Variants in MYO3B observed in about 807,000 individuals in gnomAD.
The protein encoded by MYO3B is myosin-IIIb.
A neutral mutation model predicts 174.6 loss-of-function variants in MYO3B; 156 were observed. That is an observed-to-expected ratio of 0.89 (90% confidence interval 0.78 to 1.02). The LOEUF (loss-of-function observed/expected upper bound fraction) is 1.02. Ranked by LOEUF, MYO3B falls within the 50% of genes least tolerant of loss-of-function variation. The probability of loss-of-function intolerance (pLI) is 0.00; values close to 1 mark genes in which losing one functional copy is unlikely to be tolerated. For missense variants in MYO3B, 1,632 were observed against 1,639.4 expected, an observed-to-expected ratio of 1.00 and a Z score of 0.08; for synonymous variants, 563 against 569.1, an observed-to-expected ratio of 0.99 and a Z score of 0.15.
chr2:170,461,074 G>A (rs745752068), intron 23 of MYO3B, among the ~76,000 whole-genome samples: 51 of 152,228 alleles, frequency 3.4e-4, no homozygotes, highest in Non-Finnish European at 6.6e-4. Context: ...CAGCTGCCTG[G>A]GGGGCTGGTG....
chr2:170,619,608 T>C (rs1272852342), intron 32 of MYO3B, among the ~76,000 whole-genome samples: 1 of 152,022 alleles, frequency 6.6e-6, no homozygotes, highest in Admixed American at 6.6e-5. Flanking sequence ...ATGGGACTCT[T>C]TACAGGACTG....
At chr2:170,634,488 A>G (rs983771140) in intron 32 of MYO3B, among the ~76,000 whole-genome samples, 1 of 152,260 alleles carries the variant, frequency 6.6e-6, no homozygotes, top group East Asian at 1.9e-4. Flanking sequence ...TTAAAGACTT[A>G]CATGTTAGAC....
chr2:170,406,719 G>T (rs1253372204), intron 21 of MYO3B, among the ~76,000 whole-genome samples: 1 of 151,958 alleles, frequency 6.6e-6, no homozygotes, highest in East Asian at 1.9e-4. Flanking sequence ...GATTTTAGGG[G>T]AAAAACTTTT....
Position 170,356,789 on chromosome 2 carries a change from A to ATTTTTTTTTTTTTTT in MYO3B, c.816-12432_816-12431insTTTTTTTTTTTTTTT, listed in dbSNP as rs2094124862. 1.1e-4 allele frequency among the ~76,000 whole-genome samples: 17 copies of ATTTTTTTTTTTTTTT among 152,086 alleles called. No homozygotes were observed. In the South Asian group the frequency reaches 3.4e-3, roughly 31 times the overall value. On this transcript the variant is annotated intron_variant, in intron 8 of 34. Transcript: ENST00000408978. Reference sequence around the variant, plus strand: ...TATTTTTATTTTTATCTTTAAAAAAATGTTTTAAGACAAGGTCTCACCCTG... The same window carrying ATTTTTTTTTTTTTTT: ...TATTTTTATTTTTATCTTTAAAAAAATTTTTTTTTTTTTTTTGTTTTAAGACAAGGTCTCACCCTG...
chr2:170,352,457 A>T (rs2094081464), intron 8 of MYO3B, among the ~76,000 whole-genome samples: 1 of 152,236 alleles, frequency 6.6e-6, no homozygotes, highest in Admixed American at 6.5e-5. Flanking sequence ...GAAAAAAAGC[A>T]TTGGAGGAAA....
At chr2:170,464,405 C>A (rs758745578) in intron 24 of MYO3B, among the ~76,000 whole-genome samples, 1 of 148,538 alleles carries the variant, frequency 6.7e-6, no homozygotes, top group East Asian at 2.0e-4. Flanking sequence ...TCAGGGATAG[C>A]AGAATGAGGT....
At chr2:170,263,268 A>G (rs572032050) in intron 7 of MYO3B, among the ~76,000 whole-genome samples, 1 of 152,250 alleles carries the variant, frequency 6.6e-6, no homozygotes, top group South Asian at 2.1e-4. Context: ...TCAGCAGGCA[A>G]TTGGGCTGGG....
chr2:170,467,881 T>C (rs1173493799), intron 25 of MYO3B, among the ~76,000 whole-genome samples: 1 of 151,596 alleles, frequency 6.6e-6, no homozygotes, highest in African/African-American at 2.4e-5. Context: ...GAAATGGCTT[T>C]TTTTTTTTAA....
At chr2:170,494,756 A>AAG in intron 25 of MYO3B, among the ~76,000 whole-genome samples, 1 of 151,118 alleles carries the variant, frequency 6.6e-6, no homozygotes, top group African/African-American at 2.4e-5. Flanking sequence ...AAAGAAGAAG[A>AAG]AAAAAAAGAA....
At position 170,401,394 on chromosome 2, in the gene MYO3B, C is replaced by T. The variant is rs933367870; in HGVS notation, c.1919-87C>T. The T allele has an allele frequency of 4.0e-6, 5 of 1,246,128 alleles. No homozygotes were observed. In the African/African-American group the frequency reaches 4.4e-5, roughly 11 times the overall value. The allele number at this position is 1,246,128 out of a possible 1,614,324, so 77.2% of individuals were successfully genotyped here. The stretch of plus-strand genomic sequence containing the variant: ...TCAAAAGTACCCAAATGGAGTCTGG[C>T]ACATAGTAGATGTTGAATAAATGCT... On this transcript the variant is annotated intron_variant, in intron 17 of 34. Transcript: ENST00000408978.
At chr2:170,274,414 C>A (rs1401990364) in intron 7 of MYO3B, among the ~76,000 whole-genome samples, 1 of 152,138 alleles carries the variant, frequency 6.6e-6, no homozygotes, top group Non-Finnish European at 1.5e-5. Context: ...CTTTTCAGTG[C>A]AACCGGGAAA....
chr2:170,345,218 G>A (rs2094007473), intron 8 of MYO3B: 1 of 152,122 alleles, frequency 6.6e-6, no homozygotes, highest in African/African-American at 2.4e-5. Flanking sequence ...GATGATTTCT[G>A]GCAGGGATAA....
chr2:170,402,950 G>A lies in MYO3B; in HGVS notation c.2232G>A (p.Glu744=), dbSNP rs944346789. 1.2e-6 allele frequency: 2 copies of A among 1,610,270 alleles called. No homozygotes were observed. Among genetic ancestry groups the A allele is most frequent in the African/African-American group, 1.3e-5 (1 of 74,892 alleles). The change falls in exon 19 of 35, where the codon GAG becomes GAA. Residue 744 remains glutamate (E), a synonymous_variant. Transcript: ENST00000408978. ...AGCTCTGCATAAACATCGCCAATGA[G>A]CAAATCCAGTACTATTTCAATCAGC... is the stretch of plus-strand genomic sequence containing the variant. ...FEQLCINIAN[E]QIQYYFNQHV...
At chr2:170,220,906 T>C (rs2092891437) in intron 6 of MYO3B, among the ~76,000 whole-genome samples, 1 of 152,214 alleles carries the variant, frequency 6.6e-6, no homozygotes, top group South Asian at 2.1e-4. Flanking sequence ...GCTGTAGCTC[T>C]TGGGAATCAG....
At position 170,580,718 on chromosome 2, in the gene MYO3B, ATGTGTGTGTGTGTGTGTG is replaced by A. The variant is rs59092368; in HGVS notation, c.3733+36754_3733+36771del. Among the ~76,000 whole-genome samples the A allele has an allele frequency of 4.7e-3, 667 of 142,776 alleles. 6 individuals are homozygous for A. Among genetic ancestry groups the A allele is most frequent in the African/African-American group, 0.015 (581 of 38,254 alleles). 93.7% of individuals were successfully genotyped at this position (142,776 alleles called of 152,430 possible). A position where few individuals can be genotyped will look rare whatever the true frequency, so the allele number is the denominator to read the frequency against. Reference sequence around the variant, plus strand: ...CTTCAGGTCCCACAAAACCTTATATATGTGTGTGTGTGTGTGTGTGTGTGTGTGTGTGTGTGTGTGTAT... The same window carrying A: ...CTTCAGGTCCCACAAAACCTTATATATGTGTGTGTGTGTGTGTGTGTGTAT... On this transcript the variant is annotated intron_variant, in intron 32 of 34. Coordinates refer to ENST00000408978, the MANE Select transcript of MYO3B (RefSeq NM_138995.5).
intron 7 of MYO3B, among the ~76,000 whole-genome samples, chr2:170,266,546 CAT>C (rs1284328558): frequency 6.6e-6 from 1 of 152,104 alleles, no homozygotes; most frequent in Non-Finnish European, 1.5e-5. Flanking sequence ...CTGTGCTTTG[CAT>C]ATAGAAATGT....
At chr2:170,281,433 G>A (rs2093509740) in intron 7 of MYO3B, among the ~76,000 whole-genome samples, 1 of 152,098 alleles carries the variant, frequency 6.6e-6, no homozygotes, top group Non-Finnish European at 1.5e-5. Flanking sequence ...GGACCACAGT[G>A]CAATAAAAAT....
At position 170,182,999 on chromosome 2, in the gene MYO3B, G is replaced by A. The variant is rs569915044; in HGVS notation, c.2+4710G>A. 3.3e-5 allele frequency among the ~76,000 whole-genome samples: 5 copies of A among 149,604 alleles called. No homozygotes were observed. In the South Asian group the frequency reaches 1.2e-3, roughly 35 times the overall value. On this transcript the variant is annotated intron_variant, in intron 1 of 34. Transcript: ENST00000408978. The stretch of plus-strand genomic sequence containing the variant: ...CGGCTGGGCGCTGTGGCTCATGCCT[G>A]TAATCTAGGACTTTGGGAGGCCAAG...
At chr2:170,314,451 A>C (rs1354087350) in intron 7 of MYO3B, among the ~76,000 whole-genome samples, 1 of 152,206 alleles carries the variant, frequency 6.6e-6, no homozygotes, top group Non-Finnish European at 1.5e-5. Context: ...GTGCTGGCTC[A>C]TCCCACTGAA....
Sources: gnomAD v4.1 joint callset for allele counts (sites outside exome capture counted in the v4.1 genomes callset) on GRCh38, gnomAD v4.1.1 for gene constraint, MANE v1.5 for transcripts, NCBI Gene and HGNC (gene_info 2026-07-23, HGNC 2026-07-21) for gene names.